The following MBD5 variants were observed in gnomAD, a reference collection of about 807,000 sequenced individuals.
MBD5 encodes methyl-CpG binding domain protein 5.
MBD5 carries 13 observed loss-of-function variants against 117.3 expected under a neutral mutation model. The ratio of observed to expected loss-of-function variants is 0.11; its 90% CI spans 0.07 to 0.18. The LOEUF is 0.18. Ranked by LOEUF, MBD5 falls within the 10% of genes least tolerant of loss-of-function variation. The probability of loss-of-function intolerance (pLI) is 1.00; values close to 1 mark genes in which losing one functional copy is unlikely to be tolerated. For synonymous variants in MBD5, 727 were observed against 766.4 expected, an observed-to-expected ratio of 0.95 and a Z score of 0.85; for missense variants, 1,879 against 2,093.8, an observed-to-expected ratio of 0.90 and a Z score of 2.00.
intron 2 of MBD5, among the ~76,000 whole-genome samples, chr2:148,200,640 C>G (rs575438946): frequency 2.7e-3 from 403 of 151,334 alleles, no homozygotes; most frequent in Non-Finnish European, 4.0e-3. Context: ...TTGCAGTGAG[C>G]CGATATCACG....
chr2:148,340,830 C>CCA (rs1311540663), intron 3 of MBD5, among the ~76,000 whole-genome samples: 17 of 105,732 alleles, frequency 1.6e-4, no homozygotes, highest in Middle Eastern at 4.7e-3. Context: ...TTATTTTAAA[C>CCA]CACACATACA....
chr2:148,043,870 T>C (rs1297031936), intron 1 of MBD5, among the ~76,000 whole-genome samples: 3 of 152,198 alleles, frequency 2.0e-5, no homozygotes, highest in East Asian at 3.8e-4. Context: ...ATTTATTTGC[T>C]CTAAAAATGT....
At chr2:148,434,922 T>A (rs1209339805) in intron 4 of MBD5, among the ~76,000 whole-genome samples, 8 of 152,180 alleles carry the variant, frequency 5.3e-5, no homozygotes, top group Non-Finnish European at 1.2e-4. Context: ...GTGCTTGTTT[T>A]ATGAATGTTG....
At chr2:148,377,657 A>T (rs1704028910) in intron 4 of MBD5, among the ~76,000 whole-genome samples, 1 of 152,212 alleles carries the variant, frequency 6.6e-6, no homozygotes, top group Non-Finnish European at 1.5e-5. Context: ...GTAATAAATT[A>T]TATAAATCTA....
At chr2:148,502,055 CTT>C (rs1681887841) in intron 11 of MBD5, among the ~76,000 whole-genome samples, 1 of 152,238 alleles carries the variant, frequency 6.6e-6, no homozygotes, top group African/African-American at 2.4e-5. Flanking sequence ...AACTACCTCT[CTT>C]GTCTTCCCCT....
chr2:148,370,400 T>C (rs558378661), intron 4 of MBD5, among the ~76,000 whole-genome samples: 1 of 152,322 alleles, frequency 6.6e-6, no homozygotes, highest in Admixed American at 6.5e-5. Context: ...AGTTAAATAT[T>C]ACTGTTTGGT....
chr2:148,426,618 G>C (rs1189548614), intron 4 of MBD5, among the ~76,000 whole-genome samples: 2 of 152,080 alleles, frequency 1.3e-5, no homozygotes, highest in Admixed American at 1.3e-4. Context: ...GCTGAAACTG[G>C]ATCCCTTCCT....
At chr2:148,146,445 C>T (rs1697467743) in intron 1 of MBD5, among the ~76,000 whole-genome samples, 1 of 151,878 alleles carries the variant, frequency 6.6e-6, no homozygotes, top group African/African-American at 2.4e-5. Context: ...CTGTGTTGTC[C>T]AAGGTGATCT....
chr2:148,199,029 T>G (rs1315651920), intron 2 of MBD5, among the ~76,000 whole-genome samples: 1 of 152,092 alleles, frequency 6.6e-6, no homozygotes, highest in Non-Finnish European at 1.5e-5. Flanking sequence ...TATGTACATT[T>G]ATAGAAATTT....
chr2:148,154,656 C>T (rs76255759), intron 1 of MBD5, among the ~76,000 whole-genome samples: 15 of 152,126 alleles, frequency 9.9e-5, no homozygotes, highest in East Asian at 5.8e-4. Flanking sequence ...TTAAGCTGGT[C>T]GGAAAAGCGC....
chr2:148,153,462 A>G (rs1697754207), intron 1 of MBD5, among the ~76,000 whole-genome samples: 1 of 116,526 alleles, frequency 8.6e-6, no homozygotes, highest in East Asian at 2.7e-4. Context: ...CGTTCTCTGT[A>G]TTTCCTGAAT....
intron 3 of MBD5, among the ~76,000 whole-genome samples, chr2:148,235,578 C>T (rs907508077): frequency 6.6e-6 from 1 of 152,188 alleles, no homozygotes; most frequent in South Asian, 2.1e-4. Flanking sequence ...GGCAGTTGAA[C>T]GTAGCAGGTA....
chr2:148,137,608 C>T (rs1275260707), intron 1 of MBD5, among the ~76,000 whole-genome samples: 3 of 152,106 alleles, frequency 2.0e-5, no homozygotes, highest in African/African-American at 4.8e-5. Flanking sequence ...ATCAATCAAT[C>T]GAATCGAGTC....
At chr2:148,306,488 A>G (rs1037770284) in intron 3 of MBD5, among the ~76,000 whole-genome samples, 1 of 152,228 alleles carries the variant, frequency 6.6e-6, no homozygotes, top group Admixed American at 6.5e-5. Context: ...TATTGCCATA[A>G]AAATAATAAT....
chr2:148,046,264 G>A (rs1020471559), intron 1 of MBD5, among the ~76,000 whole-genome samples: 2 of 152,116 alleles, frequency 1.3e-5, no homozygotes, highest in African/African-American at 4.8e-5. Flanking sequence ...TTACAGGCAT[G>A]AGCCACTGCA....
At chr2:148,389,823 C>T (rs188442112) in intron 4 of MBD5, among the ~76,000 whole-genome samples, 1 of 152,140 alleles carries the variant, frequency 6.6e-6, no homozygotes, top group East Asian at 1.9e-4. Flanking sequence ...CTTATAGATT[C>T]TGGATATTAG....
intron 3 of MBD5, among the ~76,000 whole-genome samples, chr2:148,236,691 G>C (rs1486549460): frequency 3.3e-5 from 5 of 152,188 alleles, no homozygotes; most frequent in Non-Finnish European, 7.3e-5. Flanking sequence ...GGGATTATTT[G>C]AATGGTAAAT....
chr2:148,325,477 C>T (rs1346000373), intron 3 of MBD5, among the ~76,000 whole-genome samples: 3 of 152,186 alleles, frequency 2.0e-5, no homozygotes, highest in Admixed American at 6.5e-5. Flanking sequence ...GACTCTTTTT[C>T]GTTGGTAAGC....
In MBD5 at chr2:148,483,328, C is replaced by T; in HGVS notation, c.2737C>T (p.Pro913Ser). 6.2e-7 allele frequency: 1 copy of T among 1,614,056 alleles called. No individual in the cohort carries two copies. Among genetic ancestry groups the T allele is most frequent in the Non-Finnish European group, 8.5e-7 (1 of 1,179,994 alleles). The change falls in exon 9 of 14, where the codon CCC (proline) becomes TCC (serine). Residue 913 changes from proline (P) to serine (S), a missense_variant. Physicochemically the swap from Pro to Ser is moderately conservative, Grantham distance 74. Transcript: ENST00000642680. The stretch of plus-strand genomic sequence containing the variant: ...CACTTCAAACAACCATCTTCCACAC[C>T]CCTTGAACCCCAGCCTCCTCAGTTC... ...NSTSNNHLPH[P>S]LNPSLLSSLP...
Sources: gnomAD v4.1 joint callset for allele counts (sites outside exome capture counted in the v4.1 genomes callset) on GRCh38, gnomAD v4.1.1 for gene constraint, MANE v1.5 for transcripts, NCBI Gene and HGNC (gene_info 2026-07-23, HGNC 2026-07-21) for gene names.